The following LCORL variants were observed in gnomAD, a reference collection of about 807,000 sequenced individuals.
The protein encoded by LCORL is ligand-dependent nuclear receptor corepressor-like protein.
LCORL carries 41 observed loss-of-function variants against 141.8 expected under a neutral mutation model. The ratio of observed to expected loss-of-function variants is 0.29; its 90% CI spans 0.23 to 0.38. The LOEUF is 0.38. LCORL is among the 10% of genes least tolerant of loss of function. The pLI is 1.00. For synonymous variants in LCORL, 618 were observed against 694.1 expected, an observed-to-expected ratio of 0.89 and a Z score of 1.72; for missense variants, 1,759 against 2,035.0, an observed-to-expected ratio of 0.86 and a Z score of 2.61.
intron 5 of LCORL, among the ~76,000 whole-genome samples, chr4:17,891,492 T>G (rs1729074872): frequency 6.6e-6 from 1 of 152,176 alleles, no homozygotes; most frequent in African/African-American, 2.4e-5. Context: ...ATTGTACAAT[T>G]TTTTAAAAAC....
chr4:17,858,170 G>T (rs1254621043), intron 7 of LCORL, among the ~76,000 whole-genome samples: 2 of 152,070 alleles, frequency 1.3e-5, no homozygotes, highest in Non-Finnish European at 2.9e-5. Flanking sequence ...TAGATATAAA[G>T]AATACTGAAT....
At chr4:17,876,726 C>T in exon 7 of LCORL, 2 of 1,230,716 alleles carry the variant, frequency 1.6e-6, no homozygotes, top group South Asian at 4.1e-5. Context: ...TTGAGTATTA[C>T]CTAACTTTGG....
chr4:17,847,707 A>G (rs1332323968), intron 7 of LCORL, among the ~76,000 whole-genome samples: 2 of 152,218 alleles, frequency 1.3e-5, no homozygotes, highest in Admixed American at 1.3e-4. Flanking sequence ...TTATTATTAA[A>G]ATGTCCTCAG....
chr4:17,883,754 G>A, intron 6 of LCORL: 2 of 1,543,542 alleles, frequency 1.3e-6, no homozygotes, highest in African/African-American at 1.4e-5. Flanking sequence ...GCAGCTGCCA[G>A]TCCCTGAATC....
chr4:17,849,768 T>C (rs1250115593), intron 7 of LCORL, among the ~76,000 whole-genome samples: 1 of 152,038 alleles, frequency 6.6e-6, no homozygotes, highest in East Asian at 1.9e-4. Flanking sequence ...TTCACAGAAT[T>C]GGAAAAAACT....
chr4:17,861,014 T>C (rs1724942252), intron 7 of LCORL, among the ~76,000 whole-genome samples: 1 of 152,156 alleles, frequency 6.6e-6, no homozygotes, highest in Non-Finnish European at 1.5e-5. Context: ...TGGGATGGCT[T>C]TGAGTGTCTG....
At chr4:17,887,183 C>T (rs1243766828) in intron 5 of LCORL, among the ~76,000 whole-genome samples, 4 of 151,794 alleles carry the variant, frequency 2.6e-5, no homozygotes, top group South Asian at 2.1e-4. Context: ...ATTTATTGAG[C>T]GCTCACTATA....
intron 1 of LCORL, among the ~76,000 whole-genome samples, chr4:17,991,996 C>T (rs962152552): frequency 2.0e-5 from 3 of 152,056 alleles, no homozygotes; most frequent in African/African-American, 7.2e-5. Flanking sequence ...AGAGGTAAAA[C>T]CTTCTGATGA....
intron 6 of LCORL, among the ~76,000 whole-genome samples, chr4:17,878,544 AT>A (rs1727158064): frequency 6.6e-6 from 1 of 151,472 alleles, no homozygotes; most frequent in Non-Finnish European, 1.5e-5. Context: ...TTAAATTTTT[AT>A]GAAGTAGCCA....
intron 7 of LCORL, among the ~76,000 whole-genome samples, chr4:17,858,079 G>A (rs1428963349): frequency 2.0e-5 from 3 of 152,092 alleles, no homozygotes; most frequent in Non-Finnish European, 4.4e-5. Flanking sequence ...GGTACATGAG[G>A]ATGTTAATGG....
At chr4:17,907,780 CTCT>C (rs1263297634) in intron 5 of LCORL, among the ~76,000 whole-genome samples, 1 of 152,164 alleles carries the variant, frequency 6.6e-6, no homozygotes, top group Non-Finnish European at 1.5e-5. Flanking sequence ...CCCAACACAA[CTCT>C]TCTTCTTCCA....
intron 1 of LCORL, among the ~76,000 whole-genome samples, chr4:18,006,886 CCTA>C (rs1722905101): frequency 6.6e-6 from 1 of 152,148 alleles, no homozygotes; most frequent in South Asian, 2.1e-4. Context: ...TGCTCTATAT[CCTA>C]CTCTGGATAA....
exon 7 of LCORL, chr4:17,877,826 T>C (rs947243593): frequency 4.9e-6 from 6 of 1,230,602 alleles, no homozygotes; most frequent in Non-Finnish European, 6.1e-6. Context: ...TGTCTGCAAT[T>C]CCTCTATTCA....
intron 5 of LCORL, among the ~76,000 whole-genome samples, chr4:17,895,998 A>T (rs889115775): frequency 6.6e-6 from 1 of 152,186 alleles, no homozygotes; most frequent in Non-Finnish European, 1.5e-5. Flanking sequence ...TGCTGTTATA[A>T]ACATTTGTGA....
chr4:17,851,645 T>C (rs1364314695), intron 7 of LCORL, among the ~76,000 whole-genome samples: 2 of 152,216 alleles, frequency 1.3e-5, no homozygotes, highest in Non-Finnish European at 1.5e-5. Context: ...AAAATAGCAA[T>C]GATGCATTGA....
chr4:17,875,928 G>C (rs2109183085), exon 7 of LCORL: 2 of 1,231,176 alleles, frequency 1.6e-6, no homozygotes, highest in Non-Finnish European at 2.0e-6. Flanking sequence ...ATAATGACTG[G>C]AGTGATAATT....
At chr4:17,936,360 G>GAAAAAAAAAAA (rs10646952) in intron 4 of LCORL, among the ~76,000 whole-genome samples, 1 of 96,452 alleles carries the variant, frequency 1.0e-5, no homozygotes, top group African/African-American at 3.4e-5. Context: ...GTCTCATAAT[G>GAAAAAAAAAAA]AAAAAAAAAA....
chr4:17,845,452 C>T (rs1722817049), exon 8 of LCORL: 1 of 274,714 alleles, frequency 3.6e-6, no homozygotes, highest in Admixed American at 4.8e-5. Context: ...AAACTAGGGA[C>T]AATTACGTAT....
intron 1 of LCORL, among the ~76,000 whole-genome samples, chr4:18,009,649 TG>T (rs1723377518): frequency 6.6e-6 from 1 of 152,058 alleles, no homozygotes; most frequent in Non-Finnish European, 1.5e-5. Flanking sequence ...TGGTATCTAC[TG>T]GGGCCCTGAG....
Sources: gnomAD v4.1 joint callset for allele counts (sites outside exome capture counted in the v4.1 genomes callset) on GRCh38, gnomAD v4.1.1 for gene constraint, MANE v1.5 for transcripts, NCBI Gene and HGNC (gene_info 2026-07-23, HGNC 2026-07-21) for gene names.